The following EFCAB6 variants were observed in gnomAD, a reference collection of about 807,000 sequenced individuals.
The protein encoded by EFCAB6 is EF-hand calcium binding domain 6.
Under a neutral mutation model 169.8 loss-of-function variants are expected in EFCAB6, and 156 were observed. The observed-to-expected ratio is 0.92, with a 90% CI of 0.81 to 1.05. EFCAB6 has a LOEUF of 1.05. Among genes scored for constraint, EFCAB6 ranks in the 50% least tolerant of loss-of-function variants. The pLI, the probability that EFCAB6 is intolerant of heterozygous loss-of-function variation, is 0.00. For synonymous variants in EFCAB6, 698 were observed against 676.4 expected, an observed-to-expected ratio of 1.03 and a Z score of -0.50; for missense variants, 1,800 against 1,829.1, an observed-to-expected ratio of 0.98 and a Z score of 0.29.
Position 43,687,409 on chromosome 22 carries a change from T to C in EFCAB6, c.1142+62A>G, listed in dbSNP as rs972930297. The C allele has an allele frequency of 9.8e-5, 99 of 1,011,934 alleles. 1 individual carries two copies. Among genetic ancestry groups the C allele is most frequent in the Non-Finnish European group, 8.8e-5 (62 of 700,848 alleles). 62.7% of individuals were successfully genotyped at this position (1,011,934 alleles called of 1,614,324 possible). On this transcript the variant is annotated intron_variant, in intron 11 of 31. Coordinates refer to ENST00000262726, the MANE Select transcript of EFCAB6 (RefSeq NM_022785.4). ...CAGAAAAAGTAGCACAGATATTCTC[T>C]GATATTTTACATATTATGATATGTG... is the stretch of plus-strand genomic sequence containing the variant.
chr22:43,785,857 T>G (rs994243396), intron 2 of EFCAB6, among the ~76,000 whole-genome samples: 1 of 152,200 alleles, frequency 6.6e-6, no homozygotes, highest in Non-Finnish European at 1.5e-5. Context: ...AAGGGAATAC[T>G]ATACACAACT....
intron 6 of EFCAB6, 31 bp downstream of exon 6, chr22:43,755,735 G>A: frequency 6.4e-7 from 1 of 1,561,196 alleles, no homozygotes; most frequent in Non-Finnish European, 8.7e-7. Context: ...GGTGGGGTGG[G>A]GGGAAATCAT....
intron 13 of EFCAB6, among the ~76,000 whole-genome samples, chr22:43,677,735 G>A (rs1300809369): frequency 1.3e-5 from 2 of 152,026 alleles, no homozygotes; most frequent in African/African-American, 2.4e-5. Flanking sequence ...TTGAGGTGGC[G>A]CCAGTTACAT....
At chr22:43,698,140 G>A (rs1217075563) in intron 10 of EFCAB6, among the ~76,000 whole-genome samples, 1 of 152,154 alleles carries the variant, frequency 6.6e-6, no homozygotes, top group African/African-American at 2.4e-5. Flanking sequence ...GAGACAGTGT[G>A]TTGGTTTGAA....
At chr22:43,538,070 C>T (rs1171052503) in intron 28 of EFCAB6, among the ~76,000 whole-genome samples, 1 of 152,088 alleles carries the variant, frequency 6.6e-6, no homozygotes, top group Non-Finnish European at 1.5e-5. Context: ...TCCTGAAGTC[C>T]CCGTTGACAA....
Position 43,786,701 on chromosome 22 carries a change from G to A in EFCAB6, c.-7-4376C>T, listed in dbSNP as rs571018577. On this transcript the variant is annotated intron_variant, in intron 2 of 31. Transcript: ENST00000262726. Reference sequence around the variant, plus strand: ...TGCACTCCAGCCTGGGCGATAGAGCGAGACTCCATAAAAAAAATAAATAAA... The same window carrying A: ...TGCACTCCAGCCTGGGCGATAGAGCAAGACTCCATAAAAAAAATAAATAAA... Among the ~76,000 whole-genome samples, 19 of 151,478 alleles carry A rather than the reference G, an allele frequency of 1.3e-4. No individual in the cohort carries two copies. The South Asian group carries it at 3.3e-3, about 27-fold the overall frequency.
intron 17 of EFCAB6, among the ~76,000 whole-genome samples, chr22:43,642,844 A>G (rs1002297933): frequency 6.6e-6 from 1 of 152,202 alleles, no homozygotes; most frequent in African/African-American, 2.4e-5. Flanking sequence ...GCCAGCTGTG[A>G]GTGCAGATAA....
chr22:43,736,049 T>C (rs565505695), intron 6 of EFCAB6, 56 bp from the exon 7 acceptor site: 11 of 1,476,014 alleles, frequency 7.5e-6, no homozygotes, highest in African/African-American at 5.8e-5. Flanking sequence ...AGGAACCAAA[T>C]GGTAATAAAA....
chr22:43,695,762 TG>T (rs2058553809), intron 10 of EFCAB6, among the ~76,000 whole-genome samples: 1 of 152,096 alleles, frequency 6.6e-6, no homozygotes, highest in Non-Finnish European at 1.5e-5. Flanking sequence ...CTGGAACAAT[TG>T]GATATCTGTA....
At chr22:43,786,895 A>T (rs913839998) in intron 2 of EFCAB6, among the ~76,000 whole-genome samples, 2 of 152,118 alleles carry the variant, frequency 1.3e-5, no homozygotes, top group Non-Finnish European at 2.9e-5. Context: ...AATGCAAGAG[A>T]GGTTGACCAA....
intron 31 of EFCAB6, 94 bp downstream of exon 31, chr22:43,530,696 AGCAGCCAGGTCACACCGGGCCTTCG>A: frequency 6.5e-7 from 1 of 1,528,622 alleles, no homozygotes; most frequent in Non-Finnish European, 8.8e-7. Flanking sequence ...TGAGATCTGA[AGCAGCCAGGTCACACCGGGCCTTCG>A]GCAGCAGGTA....
chr22:43,724,546 T>C (rs1172273739), intron 8 of EFCAB6, among the ~76,000 whole-genome samples: 5 of 151,940 alleles, frequency 3.3e-5, no homozygotes, highest in African/African-American at 1.2e-4. Flanking sequence ...TTTTTTATAT[T>C]TTTAGTAGAG....
chr22:43,774,769 G>A (rs1386018107), intron 3 of EFCAB6, among the ~76,000 whole-genome samples: 3 of 151,486 alleles, frequency 2.0e-5, no homozygotes, highest in Non-Finnish European at 4.4e-5. Flanking sequence ...GCTGTGGGGC[G>A]TGGCCAGCCT....
rs201855987 is a variant in EFCAB6, at chr22:43,672,129, T to C, written c.1484A>G (p.Glu495Gly). The C allele has an allele frequency of 2.5e-6, 4 of 1,613,138 alleles. No individual in the cohort carries two copies. Among genetic ancestry groups the C allele is most frequent in the Admixed American group, 1.7e-5 (1 of 59,850 alleles). The change falls in exon 15 of 32, where the codon GAA becomes GGA. Residue 495 changes from glutamate to glycine, a missense_variant. Coordinates refer to ENST00000262726, the MANE Select transcript of EFCAB6 (RefSeq NM_022785.4). ...AGTAATTGTATCATGAACAATTTCT[T>C]CCACCTAACATTAAAAAACAAACAT... Reference protein sequence around the residue: ...TPFLLAWDSVEEIVHDTITRN... With the variant: ...TPFLLAWDSVGEIVHDTITRN...
At chr22:43,661,671 C>T (rs1452681629) in intron 17 of EFCAB6, among the ~76,000 whole-genome samples, 2 of 152,248 alleles carry the variant, frequency 1.3e-5, no homozygotes, top group African/African-American at 4.8e-5. Flanking sequence ...GGCCTTCATT[C>T]ACCCCTAGTG....
At chr22:43,786,738 T>G (rs898362079) in intron 2 of EFCAB6, among the ~76,000 whole-genome samples, 2 of 150,868 alleles carry the variant, frequency 1.3e-5, no homozygotes, top group African/African-American at 4.9e-5. Context: ...AAAATAAAAT[T>G]TAAAAAAAGA....
In EFCAB6 at chr22:43,545,328, A is replaced by G. The variant is rs573760664; in HGVS notation, c.3649-4971T>C. On this transcript the variant is annotated intron_variant, in intron 27 of 31. Transcript: ENST00000262726. ...TGGAAAATGAAACTATCACTTCTAA[A>G]TAGTTTACAGTTTAAAGAGATCCTA... is the stretch of plus-strand genomic sequence containing the variant. Among the ~76,000 whole-genome samples the G allele has an allele frequency of 1.4e-4, 22 of 152,320 alleles. No individual in the cohort carries two copies. The East Asian group carries it at 4.2e-3, about 29-fold the overall frequency.
At position 43,703,982 on chromosome 22, in the gene EFCAB6, G is replaced by A. The variant is rs777568569; in HGVS notation, c.1031+7493C>T. ...AATGACTGAAAACTTCCCTAATTTG[G>A]GAAAAGATACCAGTATCCCCAAGTT... On this transcript the variant is annotated intron_variant, in intron 10 of 31. Transcript: ENST00000262726. 2.1e-4 allele frequency among the ~76,000 whole-genome samples: 32 copies of A among 151,888 alleles called. 1 individual carries two copies. Among genetic ancestry groups the A allele is most frequent in the Non-Finnish European group, 3.7e-4 (25 of 67,954 alleles).
chr22:43,541,745 A>AT (rs980520819), intron 27 of EFCAB6, among the ~76,000 whole-genome samples: 5 of 152,138 alleles, frequency 3.3e-5, no homozygotes, highest in Non-Finnish European at 7.4e-5. Context: ...CACTGGGCAG[A>AT]TGGCCCCCCT....
Sources: gnomAD v4.1 joint callset for allele counts (sites outside exome capture counted in the v4.1 genomes callset) on GRCh38, gnomAD v4.1.1 for gene constraint, MANE v1.5 for transcripts, NCBI Gene and HGNC (gene_info 2026-07-23, HGNC 2026-07-21) for gene names.